AIFM1: variants seen among roughly 807,000 people sequenced by gnomAD.
AIFM1 encodes apoptosis inducing factor mitochondria associated 1.
In AIFM1, 3 loss-of-function variants were observed where a neutral mutation model predicts 51.7. That is an observed-to-expected ratio of 0.06 (90% confidence interval 0.03 to 0.15). The LOEUF (loss-of-function observed/expected upper bound fraction) is 0.15. Among genes scored for constraint, AIFM1 ranks in the 10% least tolerant of loss-of-function variants. AIFM1 has a pLI of 1.00. For synonymous variants in AIFM1, 178 were observed against 179.4 expected, an observed-to-expected ratio of 0.99 and a Z score of 0.06; for missense variants, 330 against 476.8, an observed-to-expected ratio of 0.69 and a Z score of 2.87.
At chrX:130,165,155 C>T (rs1423419159) in intron 1 of AIFM1, among the ~76,000 whole-genome samples, 1 of 106,619 alleles carries the variant, frequency 9.4e-6, no homozygotes, top group Non-Finnish European at 1.9e-5. Flanking sequence ...CTCATTTACA[C>T]AAGAAACTTA....
At chrX:130,137,365 A>T (rs1341433906) in intron 9 of AIFM1, 180 bp from the exon 10 acceptor site, 1 of 1,153,369 alleles carries the variant, frequency 8.7e-7, no homozygotes, top group Non-Finnish European at 1.2e-6. Context: ...GTTCATTTGT[A>T]ACGCAAATAC....
intron 15 of AIFM1, 133 bp from the exon 16 acceptor site, chrX:130,129,761 C>A: frequency 4.0e-6 from 3 of 756,479 alleles, no homozygotes; most frequent in Non-Finnish European, 6.1e-6. Flanking sequence ...CTCTACTAAC[C>A]CCAAACAAGC....
intron 5 of AIFM1, among the ~76,000 whole-genome samples, chrX:130,146,831 T>C (rs142319513): frequency 8.9e-6 from 1 of 111,995 alleles, no homozygotes; most frequent in Non-Finnish European, 1.9e-5. Context: ...AAAAAGTTTC[T>C]TTTCTTCTGC....
At chrX:130,162,401 G>C (rs1418709249) in intron 1 of AIFM1, among the ~76,000 whole-genome samples, 2 of 111,994 alleles carry the variant, frequency 1.8e-5, no homozygotes, top group Non-Finnish European at 3.8e-5. Context: ...TTATCTCCTG[G>C]AGAAGGTTAG....
intron 3 of AIFM1, among the ~76,000 whole-genome samples, chrX:130,148,326 G>A (rs537675877): frequency 1.8e-5 from 2 of 111,244 alleles, no homozygotes; most frequent in South Asian, 7.6e-4. Context: ...GAATAAGGGG[G>A]TGCTTTTGAA....
In AIFM1 at chrX:130,136,283, T is replaced by A; in HGVS notation, c.1165-98A>T. On this transcript the variant is annotated intron_variant, in intron 11 of 15. Coordinates refer to ENST00000287295, the MANE Select transcript of AIFM1 (RefSeq NM_004208.4). ...TTCATGCCATTAAGAATTGGGACTTTAAAAAATCATGGGTTAACTTACCTC... is the reference window on the plus strand; with the variant it reads ...TTCATGCCATTAAGAATTGGGACTTAAAAAAATCATGGGTTAACTTACCTC... 6 of 1,014,103 alleles carry A rather than the reference T, an allele frequency of 5.9e-6. No individual in the cohort carries two copies. In the South Asian group the frequency reaches 8.0e-5, roughly 14 times the overall value. The allele number at this position is 1,014,103 out of a possible 1,213,427, so 83.6% of individuals were successfully genotyped here.
At chrX:130,143,689 A>G (rs1352159566) in intron 6 of AIFM1, among the ~76,000 whole-genome samples, 1 of 74,158 alleles carries the variant, frequency 1.3e-5, no homozygotes, top group Non-Finnish European at 2.5e-5. Flanking sequence ...CATCTCTACT[A>G]AAAAGACAAA....
intron 1 of AIFM1, among the ~76,000 whole-genome samples, chrX:130,164,092 C>T (rs929021201): frequency 9.4e-5 from 10 of 106,268 alleles, no homozygotes; most frequent in Admixed American, 9.2e-4. Context: ...GGCGTGAATC[C>T]GGGAGGCGGA....
intron 2 of AIFM1, among the ~76,000 whole-genome samples, chrX:130,152,747 T>C (rs1188781501): frequency 6.3e-5 from 7 of 111,719 alleles, no homozygotes; most frequent in Non-Finnish European, 1.3e-4. Flanking sequence ...AACTCTCACA[T>C]CAATGCGAAT....
At chrX:130,161,152 G>T (rs1469495147) in intron 1 of AIFM1, among the ~76,000 whole-genome samples, 1 of 110,997 alleles carries the variant, frequency 9.0e-6, no homozygotes, top group African/African-American at 3.3e-5. Context: ...GATCCTAAAT[G>T]GTTAAGAGAT....
intron 3 of AIFM1, among the ~76,000 whole-genome samples, chrX:130,148,869 CTCTTTTCCA>C (rs1263105624): frequency 3.1e-5 from 3 of 95,275 alleles, no homozygotes; most frequent in Non-Finnish European, 6.3e-5. Context: ...AGGTTTTCAT[CTCTTTTCCA>C]TCTTTTCCAA....
rs766620673 is a variant in AIFM1 at position 130,159,440 on chromosome X, T to C, written c.107-2837A>G. 3.6e-5 allele frequency among the ~76,000 whole-genome samples: 4 copies of C among 111,749 alleles called. No homozygotes were observed. The East Asian group carries it at 1.1e-3, about 31-fold the overall frequency. ...AACTTATCTCAATCTGGGCAAGCTT[T>C]TGATTTTCAGAAGCTTACAAAAATA... On this transcript the variant is annotated intron_variant, in intron 1 of 15. Coordinates refer to ENST00000287295, the MANE Select transcript of AIFM1 (RefSeq NM_004208.4).
chrX:130,165,585 G>A lies in AIFM1; in HGVS notation c.72C>T (p.Cys24=), dbSNP rs373609902. 807 of 1,199,365 alleles carry A rather than the reference G, an allele frequency of 6.7e-4. 2 individuals carry two copies. Among genetic ancestry groups the A allele is most frequent in the Non-Finnish European group, 8.6e-4 (768 of 889,266 alleles). Residue 24 remains cysteine, a synonymous_variant, in exon 1 of 16, where the codon TGC becomes TGT. Transcript: ENST00000287295. Reference sequence around the variant, plus strand: ...GGTTCCTCTGCCTCGGGCTTCGGACGCACACGGTCCGCACCAAGGGCACCA... The same window carrying A: ...GGTTCCTCTGCCTCGGGCTTCGGACACACACGGTCCGCACCAAGGGCACCA... The part of the protein sequence containing the change: ...QKLVPLVRTV[C]VRSPRQRNRL...
intron 8 of AIFM1, among the ~76,000 whole-genome samples, chrX:130,138,951 A>C: frequency 9.0e-6 from 1 of 111,404 alleles, no homozygotes; most frequent in Non-Finnish European, 1.9e-5. Flanking sequence ...CAATATCTGA[A>C]GACATTTTTG....
In AIFM1 at chrX:130,145,533, A is replaced by T. The variant is rs113888969; in HGVS notation, c.642T>A (p.Ala214=). ...CATTCTCAATATGAGGCAGGTCCTGAGCAGAGACATAGAAAGAAGGTGGCT... is the reference window on the plus strand; with the variant it reads ...CATTCTCAATATGAGGCAGGTCCTGTGCAGAGACATAGAAAGAAGGTGGCT... The part of the protein sequence containing the change: ...YFQPPSFYVS[A]QDLPHIENGG... Residue 214 remains alanine (A), a synonymous_variant, in exon 6 of 16, where the codon GCT becomes GCA. Coordinates refer to ENST00000287295, the MANE Select transcript of AIFM1 (RefSeq NM_004208.4). The T allele has an allele frequency of 8.3e-7, 1 of 1,209,800 alleles. No homozygotes were observed. Among genetic ancestry groups the T allele is most frequent in the African/African-American group, 1.7e-5 (1 of 57,799 alleles).
intron 2 of AIFM1, chrX:130,155,042 C>A: frequency 1.0e-6 from 1 of 976,818 alleles, no homozygotes; most frequent in Non-Finnish European, 1.5e-6. Flanking sequence ...TAATAAACAC[C>A]TAGAGAAAGC....
At chrX:130,135,247 C>G in intron 12 of AIFM1, among the ~76,000 whole-genome samples, 1 of 108,700 alleles carries the variant, frequency 9.2e-6, no homozygotes, top group Middle Eastern at 4.8e-3. Flanking sequence ...CCACCACACC[C>G]GGCTAATTTT....
At chrX:130,143,757 G>C (rs2030660244) in intron 6 of AIFM1, among the ~76,000 whole-genome samples, 1 of 110,396 alleles carries the variant, frequency 9.1e-6, no homozygotes, top group Admixed American at 9.7e-5. Context: ...TGAGGCAGGA[G>C]AATCGCTTGA....
chrX:130,132,296 G>C (rs1359562145), intron 13 of AIFM1, among the ~76,000 whole-genome samples: 2 of 112,160 alleles, frequency 1.8e-5, no homozygotes, highest in Non-Finnish European at 3.8e-5. Context: ...TAATAGCTTT[G>C]ACTTTTCCTT....
Sources: gnomAD v4.1 joint callset for allele counts (sites outside exome capture counted in the v4.1 genomes callset) on GRCh38, gnomAD v4.1.1 for gene constraint, MANE v1.5 for transcripts, NCBI Gene and HGNC (gene_info 2026-07-23, HGNC 2026-07-21) for gene names.